RBFOX1: variants seen among roughly 807,000 people sequenced by gnomAD.
RBFOX1 encodes the protein RNA binding protein fox-1 homolog 1.
Under a neutral mutation model 57.7 loss-of-function variants are expected in RBFOX1, and 8 were observed. The ratio of observed to expected loss-of-function variants is 0.14; its 90% confidence interval spans 0.08 to 0.25. The LOEUF is 0.25. Ranked by LOEUF, RBFOX1 falls within the 10% of genes least tolerant of loss-of-function variation. The pLI is 1.00. For missense variants in RBFOX1, 611 were observed against 548.5 expected (o/e 1.11, Z -1.14); for synonymous variants, 326 against 222.4 (o/e 1.47, Z -4.15).
At chr16:5,474,192 C>T (rs2069237895) in intron 2 of RBFOX1, among the ~76,000 whole-genome samples, 1 of 152,196 alleles carries the variant, frequency 6.6e-6, no homozygotes, top group Non-Finnish European at 1.5e-5. Context: ...TATTCAACTA[C>T]AGCATTAGCC....
intron 3 of RBFOX1, among the ~76,000 whole-genome samples, chr16:6,773,434 T>G (rs1290618199): frequency 3.1e-5 from 4 of 130,958 alleles, no homozygotes; most frequent in Admixed American, 2.4e-4. Flanking sequence ...TTGGGTGCAT[T>G]TGTCTTGGGG....
intron 4 of RBFOX1, among the ~76,000 whole-genome samples, chr16:7,284,190 G>A (rs2095603938): frequency 6.6e-6 from 1 of 152,220 alleles, no homozygotes; most frequent in African/African-American, 2.4e-5. Context: ...AAGGGCGGTT[G>A]TGTTGTTTCC....
intron 1 of RBFOX1, among the ~76,000 whole-genome samples, chr16:5,258,215 T>G (rs1225300194): frequency 6.6e-6 from 1 of 152,146 alleles, no homozygotes; most frequent in Non-Finnish European, 1.5e-5. Context: ...TGAAAAATTT[T>G]CAATATACAT....
At chr16:7,583,750 G>A (rs1567954853) in intron 6 of RBFOX1, among the ~76,000 whole-genome samples, 1 of 152,130 alleles carries the variant, frequency 6.6e-6, no homozygotes, top group Non-Finnish European at 1.5e-5. Context: ...GGAGGCCGAG[G>A]TGGGAGGGTT....
At chr16:5,959,254 C>T (rs2059703970) in intron 4 of RBFOX1, among the ~76,000 whole-genome samples, 1 of 152,212 alleles carries the variant, frequency 6.6e-6, no homozygotes. Flanking sequence ...GCATAGCCAC[C>T]TCTTGCCTTG....
chr16:6,609,663 A>G (rs2098010844), intron 2 of RBFOX1, among the ~76,000 whole-genome samples: 1 of 152,194 alleles, frequency 6.6e-6, no homozygotes, highest in African/African-American at 2.4e-5. Context: ...AACCCTATGT[A>G]AAGATTCACC....
At chr16:6,746,700 C>T (rs896763444) in intron 3 of RBFOX1, among the ~76,000 whole-genome samples, 68 of 151,716 alleles carry the variant, frequency 4.5e-4, no homozygotes, top group African/African-American at 1.6e-3. Context: ...AAAGTGTTGT[C>T]TTATTAATCC....
At chr16:6,139,426 C>T (rs899474276) in intron 1 of RBFOX1, among the ~76,000 whole-genome samples, 2 of 152,170 alleles carry the variant, frequency 1.3e-5, no homozygotes. Context: ...AGACTTTTGA[C>T]CACCCGCTGC....
chr16:7,534,103 G>GT (rs34909900), intron 5 of RBFOX1, among the ~76,000 whole-genome samples: 5,458 of 47,928 alleles, frequency 0.11, 155 homozygotes, highest in South Asian at 0.25. Context: ...TTTTTTTTTT[G>GT]GACATGCAGT....
At chr16:6,537,439 A>T (rs1015901929) in intron 2 of RBFOX1, among the ~76,000 whole-genome samples, 1 of 152,174 alleles carries the variant, frequency 6.6e-6, no homozygotes, top group African/African-American at 2.4e-5. Flanking sequence ...ATTATTTAAC[A>T]CTCACAACAG....
At chr16:6,992,208 G>T (rs2091593669) in intron 3 of RBFOX1, among the ~76,000 whole-genome samples, 1 of 150,648 alleles carries the variant, frequency 6.6e-6, no homozygotes, top group African/African-American at 2.4e-5. Context: ...CTGTTGCACA[G>T]GCTGGAGTGC....
At chr16:7,588,934 C>G (rs1398786836) in intron 7 of RBFOX1, among the ~76,000 whole-genome samples, 2 of 152,176 alleles carry the variant, frequency 1.3e-5, no homozygotes, top group African/African-American at 4.8e-5. Flanking sequence ...AAAACAAAAG[C>G]AAAACAGAAT....
intron 10 of RBFOX1, among the ~76,000 whole-genome samples, chr16:7,623,793 C>T (rs936632753): frequency 6.6e-6 from 1 of 152,166 alleles, no homozygotes; most frequent in African/African-American, 2.4e-5. Flanking sequence ...CTCTCCTTGG[C>T]TTGCAGATGA....
chr16:7,620,421 A>G (rs973922419), intron 10 of RBFOX1, among the ~76,000 whole-genome samples: 5 of 152,228 alleles, frequency 3.3e-5, no homozygotes, highest in African/African-American at 1.2e-4. Context: ...CAGTGACACT[A>G]TAGAAATCTC....
intron 1 of RBFOX1, among the ~76,000 whole-genome samples, chr16:6,126,257 G>A (rs969134166): frequency 6.6e-6 from 1 of 152,206 alleles, no homozygotes; most frequent in African/African-American, 2.4e-5. Context: ...AAGAGCGCCA[G>A]CGCATCGAGG....
At chr16:6,542,483 C>CTGTTTTTTTTTTTTT (rs2096834941) in intron 2 of RBFOX1, among the ~76,000 whole-genome samples, 1 of 55,718 alleles carries the variant, frequency 1.8e-5, no homozygotes, top group African/African-American at 7.6e-5. Flanking sequence ...GGACCATAGT[C>CTGTTTTTTTTTTTTT]TTTTTTTTTT....
intron 1 of RBFOX1, among the ~76,000 whole-genome samples, chr16:6,139,970 G>A (rs758815255): frequency 6.6e-6 from 1 of 152,154 alleles, no homozygotes; most frequent in African/African-American, 2.4e-5. Flanking sequence ...GGAAGGAACT[G>A]CTCCTCTCAA....
At chr16:5,815,711 C>G (rs563477943) in intron 3 of RBFOX1, among the ~76,000 whole-genome samples, 70 of 152,284 alleles carry the variant, frequency 4.6e-4, no homozygotes, top group African/African-American at 1.5e-3. Context: ...AATTAATCTT[C>G]TTGTAAAACC....
intron 3 of RBFOX1, among the ~76,000 whole-genome samples, chr16:7,049,656 G>C (rs1457843485): frequency 6.6e-6 from 1 of 152,042 alleles, no homozygotes; most frequent in African/African-American, 2.4e-5. Flanking sequence ...CACCACTTAT[G>C]TGGCGGTACT....
Sources: allele counts gnomAD v4.1 joint callset (sites outside exome capture counted in the v4.1 genomes callset), GRCh38; gene constraint gnomAD v4.1.1; transcripts MANE v1.5; gene names NCBI Gene and HGNC (gene_info 2026-07-23, HGNC 2026-07-21).